The following AP4M1 variants were observed in gnomAD, a reference collection of about 807,000 sequenced individuals.
The protein encoded by AP4M1 is adaptor related protein complex 4 subunit mu 1, also known as AP-4 complex subunit mu-1.
Under a neutral mutation model 62.4 loss-of-function variants are expected in AP4M1, and 58 were observed. The ratio of observed to expected loss-of-function variants is 0.93; its 90% CI spans 0.75 to 1.16. The LOEUF (loss-of-function observed/expected upper bound fraction) is 1.16, where lower values mean the gene tolerates loss of function less well. AP4M1 is among the 50% of genes most tolerant of loss of function. The probability of loss-of-function intolerance (pLI) is 0.00; values close to 1 mark genes in which losing one functional copy is unlikely to be tolerated. For missense variants in AP4M1, 626 were observed against 585.4 expected, an observed-to-expected ratio of 1.07 and a Z score of -0.72; for synonymous variants, 290 against 239.7, an observed-to-expected ratio of 1.21 and a Z score of -1.94.
At chr7:100,101,820 A>AG in intron 1 of AP4M1, 48 bp downstream of exon 1, 2 of 783,744 alleles carry the variant, frequency 2.6e-6, no homozygotes, top group Non-Finnish European at 4.1e-6. Flanking sequence ...GCCGGGCGGG[A>AG]GGGGCGCCCA....
chr7:100,108,207 C>T lies in AP4M1; in HGVS notation c.*1325C>T, dbSNP rs1409239984. 2.2e-5 allele frequency: 33 copies of T among 1,478,556 alleles called. No homozygotes were observed. The East Asian group carries it at 2.9e-4, about 13-fold the overall frequency. The allele number at this position is 1,478,556 out of a possible 1,614,324, so 91.6% of individuals were successfully genotyped here. A position where few individuals can be genotyped will look rare whatever the true frequency, so the allele number is the denominator to read the frequency against. On this transcript the variant is annotated 3_prime_UTR_variant, in exon 15 of 15. Transcript: ENST00000359593. ...GGGAGAGGCCTGGGCTCCCCTCGCT[C>T]TTCCTCAGTGGCTCTCACTAGGGCT...
At position 100,106,756 on chromosome 7, in the gene AP4M1, C is replaced by T. The variant is rs756993667; in HGVS notation, c.1236C>T (p.Pro412=). 9 of 1,614,098 alleles carry T rather than the reference C, an allele frequency of 5.6e-6. No homozygotes were observed. The Admixed American group carries it at 8.3e-5, about 15-fold the overall frequency. ...CTGCCAGTCTCTCCTTCGAGCTTCC[C>T]CGGCACACGTGCTCTGGCCTCCAGG... ...LGPASLSFEL[P]RHTCSGLQVR... The change falls in exon 15 of 15, where the codon CCC becomes CCT. Residue 412 remains proline (P), a synonymous_variant. Transcript: ENST00000359593.
Position 100,105,321 on chromosome 7 carries a change from T to C in AP4M1, c.809T>C (p.Leu270Pro), listed in dbSNP as rs895548740. The C allele has an allele frequency of 6.2e-7, 1 of 1,613,988 alleles. No individual in the cohort carries two copies. Among genetic ancestry groups the C allele is most frequent in the Non-Finnish European group, 8.5e-7 (1 of 1,180,032 alleles). ...GACGAATTTGAGTCTCATCGAATCCTCCGCTTGCAACCACCTCAGGGCGAG... is the reference window on the plus strand; with the variant it reads ...GACGAATTTGAGTCTCATCGAATCCCCCGCTTGCAACCACCTCAGGGCGAG... ...NLDEFESHRI[L>P]RLQPPQGELT... is the part of the protein sequence containing the mutation. Residue 270 changes from leucine (L) to proline (P), a missense_variant, in exon 10 of 15, where the codon CTC (leucine) becomes CCC (proline). Coordinates refer to ENST00000359593, the MANE Select transcript of AP4M1 (RefSeq NM_004722.4).
chr7:100,101,819 G>C, intron 1 of AP4M1, 47 bp downstream of exon 1: 1 of 1,558,524 alleles, frequency 6.4e-7, no homozygotes, highest in Non-Finnish European at 8.8e-7. Flanking sequence ...GGCCGGGCGG[G>C]AGGGGCGCCC....
At position 100,108,446 on chromosome 7, in the gene AP4M1, C is replaced by A. The variant is rs1562920463; in HGVS notation, c.*1564C>A. 1 of 1,613,958 alleles carries A rather than the reference C, an allele frequency of 6.2e-7. No individual in the cohort carries two copies. ...GGCCCGAGCCTTGACCACCTGGGAG[C>A]AGAGGAGGGGCCCAAGGGACCCGAA... On this transcript the variant is annotated 3_prime_UTR_variant, in exon 15 of 15. Coordinates refer to ENST00000359593, the MANE Select transcript of AP4M1 (RefSeq NM_004722.4).
upstream of AP4M1, chr7:100,101,434 T>A (rs766905560): frequency 8.4e-5 from 99 of 1,177,762 alleles, no homozygotes; most frequent in Non-Finnish European, 1.2e-4. Flanking sequence ...CCGGCGCCAC[T>A]GCGTGCGGGC....
At chr7:100,103,295 C>T in intron 4 of AP4M1, 114 bp from the exon 5 acceptor site, 1 of 909,366 alleles carries the variant, frequency 1.1e-6, no homozygotes, top group Non-Finnish European at 1.8e-6. Context: ...TCTCCTACGT[C>T]TCGGCCTTCC....
rs745857202 is a variant in AP4M1 at position 100,102,969 on chromosome 7, C to T, written c.351+9C>T. 7.5e-6 allele frequency: 12 copies of T among 1,605,892 alleles called. No individual in the cohort carries two copies. Among genetic ancestry groups the T allele is most frequent in the East Asian group, 4.5e-5 (2 of 44,466 alleles). On this transcript the variant is annotated intron_variant, in intron 4 of 14. Coordinates refer to ENST00000359593, the MANE Select transcript of AP4M1 (RefSeq NM_004722.4). ...TCCTGGATGAAGTGCTGGTGAGAAT[C>T]AACAATCCCCTTCTGTGGCCCCTAC...
chr7:100,101,496 C>T, upstream of AP4M1: 1 of 795,340 alleles, frequency 1.3e-6, no homozygotes, highest in Non-Finnish European at 2.1e-6. Flanking sequence ...AGCCAATCAC[C>T]GTGCGGGCCT....
Position 100,103,413 on chromosome 7 carries a change from A to G in AP4M1, c.356A>G (p.Tyr119Cys). 4.3e-6 allele frequency: 7 copies of G among 1,613,488 alleles called. No homozygotes were observed. Among genetic ancestry groups the G allele is most frequent in the African/African-American group, 4.0e-5 (3 of 74,992 alleles). Residue 119 changes from tyrosine to cysteine, a missense_variant, in exon 5 of 15, where the codon TAT becomes TGT. Tyr to Cys is a radical substitution (Grantham distance 194, BLOSUM62 -2). Transcript: ENST00000359593. ...VYELLDEVLD[Y>C]GYVQTTSTEM... ...CTGTCCTTCCTTTACCACTAGGACTATGGCTATGTACAGACCACATCCACG... is the reference window on the plus strand; with the variant it reads ...CTGTCCTTCCTTTACCACTAGGACTGTGGCTATGTACAGACCACATCCACG...
rs149322875 is a variant in AP4M1, at chr7:100,106,929, C to A, written c.*47C>A. ...ACGGCCAAGGTGGCAGTTTGTCCCA[C>A]GGGAGGACAGTCGTTTCTTTTCCAG... On this transcript the variant is annotated 3_prime_UTR_variant, in exon 15 of 15. Coordinates refer to ENST00000359593, the MANE Select transcript of AP4M1 (RefSeq NM_004722.4). 6.3e-7 allele frequency: 1 copy of A among 1,576,148 alleles called. No homozygotes were observed. Among genetic ancestry groups the A allele is most frequent in the African/African-American group, 1.3e-5 (1 of 74,158 alleles).
intron 14 of AP4M1, 48 bp downstream of exon 14, chr7:100,106,562 G>GCCCCCCCCCCCCCCCCCCCCC: frequency 4.0e-6 from 6 of 1,514,792 alleles, no homozygotes; most frequent in African/African-American, 1.4e-5. Flanking sequence ...TTCACTTGCA[G>GCCCCCCCCCCCCCCCCCCCCC]CCCCCACCCC....
chr7:100,105,262 C>A lies in AP4M1; in HGVS notation c.750C>A (p.Val250=), dbSNP rs752745814. ...ELRGYGPGIR[V]DEVSFHSSVN... is the part of the protein sequence containing the mutation. ...CAGGTTATGGGCCAGGAATCCGGGT[C>A]GATGAAGTCTCGTTTCACAGCTCTG... Residue 250 remains valine, a synonymous_variant, in exon 10 of 15, where the codon GTC becomes GTA. Coordinates refer to ENST00000359593, the MANE Select transcript of AP4M1 (RefSeq NM_004722.4). 3 of 1,614,074 alleles carry A rather than the reference C, an allele frequency of 1.9e-6. No homozygotes were observed. The highest frequency in any genetic ancestry group is 1.3e-5 in the African/African-American group (1 of 75,014).
In AP4M1 at chr7:100,104,215, G is replaced by T. The variant is rs1168257747; in HGVS notation, c.606+61G>T. Reference sequence around the variant, plus strand: ...GATGGGACTTGGGAAACATGGTGGGGTGGCTAAGACTCCCAGCAACGGCCG... The same window carrying T: ...GATGGGACTTGGGAAACATGGTGGGTTGGCTAAGACTCCCAGCAACGGCCG... On this transcript the variant is annotated intron_variant, in intron 7 of 14. Coordinates refer to ENST00000359593, the MANE Select transcript of AP4M1 (RefSeq NM_004722.4). 6.7e-6 allele frequency: 10 copies of T among 1,484,510 alleles called. No individual in the cohort carries two copies. In the South Asian group the frequency reaches 1.1e-4, roughly 17 times the overall value. The allele number at this position is 1,484,510 out of a possible 1,614,324, so 92.0% of individuals were successfully genotyped here.
At chr7:100,101,620 T>TAAAGGGCCAGCGC (rs1213003303), upstream of AP4M1, 18 of 1,323,296 alleles carry the variant, frequency 1.4e-5, no homozygotes, top group Non-Finnish European at 1.8e-5. Flanking sequence ...GAATCGCTCT[T>TAAAGGGCCAGCGC]AAAGGGCCAG....
intron 4 of AP4M1, 109 bp from the exon 5 acceptor site, chr7:100,103,300 C>A: frequency 1.0e-6 from 1 of 966,272 alleles, no homozygotes; most frequent in Non-Finnish European, 1.6e-6. Flanking sequence ...TACGTCTCGG[C>A]CTTCCAAAGC....
chr7:100,101,779 T>G lies in AP4M1; in HGVS notation c.58+7T>G. 2.7e-6 allele frequency: 4 copies of G among 1,482,884 alleles called. No individual in the cohort carries two copies. The highest frequency in any genetic ancestry group is 3.7e-6 in the Non-Finnish European group (4 of 1,077,482). The allele number at this position is 1,482,884 out of a possible 1,614,324, so 91.9% of individuals were successfully genotyped here. A position where few individuals can be genotyped will look rare whatever the true frequency, so the allele number is the denominator to read the frequency against. On this transcript the variant is annotated splice_region_variant and intron_variant, in intron 1 of 14. Transcript: ENST00000359593. ...CCGCTCATCTACAAAGACTGTATCC[T>G]AGACCCTTGGGGCTGGGAAGGGGCG...
Position 100,102,873 on chromosome 7 carries a change from C to A in AP4M1, c.264C>A (p.Thr88=). 3 of 1,614,026 alleles carry A rather than the reference C, an allele frequency of 1.9e-6. No individual in the cohort carries two copies. Among genetic ancestry groups the A allele is most frequent in the Non-Finnish European group, 2.5e-6 (3 of 1,179,994 alleles). ...SLLELLSRLA[T]LLGDYCGSLG... Reference sequence around the variant, plus strand: ...CCAAGTGTTTCCTCAGGTTGGCCACCCTTCTGGGCGATTACTGTGGCTCCC... The same window carrying A: ...CCAAGTGTTTCCTCAGGTTGGCCACACTTCTGGGCGATTACTGTGGCTCCC... The change falls in exon 4 of 15, where the codon ACC becomes ACA. Residue 88 remains threonine (T), a synonymous_variant. Transcript: ENST00000359593.
chr7:100,105,845 C>T (rs547026812), intron 11 of AP4M1, 114 bp from the exon 12 acceptor site: 28 of 1,305,594 alleles, frequency 2.1e-5, no homozygotes, highest in Non-Finnish European at 3.1e-5. Context: ...AGCCCTTTTC[C>T]CTCTTGGGAG....
Sources: gnomAD v4.1 joint callset for allele counts on GRCh38, gnomAD v4.1.1 for gene constraint, MANE v1.5 for transcripts, NCBI Gene and HGNC (gene_info 2026-07-23, HGNC 2026-07-21) for gene names.